The following FSTL5 variants were observed in gnomAD, a reference collection of about 807,000 sequenced individuals.
FSTL5 encodes the protein follistatin like 5, also known as follistatin-related protein 5.
In FSTL5, 62 loss-of-function variants were observed where a neutral mutation model predicts 89.1. The observed-to-expected ratio is 0.70, with a 90% CI of 0.57 to 0.86. FSTL5 has a LOEUF of 0.86. FSTL5 is among the 40% of genes least tolerant of loss of function. The pLI is 0.00. For missense variants in FSTL5, 1,057 were observed against 1,001.6 expected, an observed-to-expected ratio of 1.06 and a Z score of -0.75; for synonymous variants, 383 against 346.2, an observed-to-expected ratio of 1.11 and a Z score of -1.18.
chr4:161,494,384 T>G (rs1018858807), intron 12 of FSTL5, among the ~76,000 whole-genome samples: 1 of 152,178 alleles, frequency 6.6e-6, no homozygotes, highest in African/African-American at 2.4e-5. Flanking sequence ...TTCAAATGAC[T>G]ATTTTTGAGG....
At chr4:161,577,355 T>C (rs995496123) in intron 8 of FSTL5, among the ~76,000 whole-genome samples, 6 of 151,488 alleles carry the variant, frequency 4.0e-5, no homozygotes, top group Non-Finnish European at 7.4e-5. Context: ...AACTTGTAAC[T>C]TAAAACTTGT....
chr4:161,581,419 C>A (rs754302605), intron 8 of FSTL5, among the ~76,000 whole-genome samples: 6 of 151,678 alleles, frequency 4.0e-5, no homozygotes, highest in Non-Finnish European at 5.9e-5. Flanking sequence ...GTAGATCTCA[C>A]TGTCTCACTT....
At chr4:161,786,265 G>C (rs1741900616) in intron 4 of FSTL5, among the ~76,000 whole-genome samples, 1 of 151,820 alleles carries the variant, frequency 6.6e-6, no homozygotes, top group Admixed American at 6.6e-5. Flanking sequence ...CGTTGTAGTG[G>C]GTTAATATAT....
At chr4:161,691,903 G>T (rs922342878) in intron 6 of FSTL5, among the ~76,000 whole-genome samples, 6 of 151,926 alleles carry the variant, frequency 3.9e-5, no homozygotes, top group African/African-American at 1.4e-4. Context: ...ATTATCTCTA[G>T]CAGTGGTGTG....
intron 7 of FSTL5, among the ~76,000 whole-genome samples, chr4:161,649,898 T>A (rs1201598407): frequency 6.6e-6 from 1 of 152,194 alleles, no homozygotes; most frequent in East Asian, 1.9e-4. Context: ...TGGAATATAG[T>A]TTGATGGCTG....
intron 6 of FSTL5, among the ~76,000 whole-genome samples, chr4:161,674,102 A>T: frequency 6.6e-6 from 1 of 152,080 alleles, no homozygotes; most frequent in East Asian, 1.9e-4. Context: ...TTTCACTATT[A>T]ATAGAAGTGT....
chr4:162,031,799 G>C (rs1049509058), intron 3 of FSTL5, among the ~76,000 whole-genome samples: 4 of 152,094 alleles, frequency 2.6e-5, no homozygotes, highest in Non-Finnish European at 5.9e-5. Flanking sequence ...TTAGCTGGTC[G>C]TGGTGGCAGG....
At chr4:161,965,189 T>C (rs978930619) in intron 3 of FSTL5, among the ~76,000 whole-genome samples, 3 of 152,118 alleles carry the variant, frequency 2.0e-5, no homozygotes, top group Non-Finnish European at 4.4e-5. Context: ...TTCCTTTCAA[T>C]ATCCATGACC....
At chr4:162,024,394 A>G (rs766666355) in intron 3 of FSTL5, among the ~76,000 whole-genome samples, 2 of 144,744 alleles carry the variant, frequency 1.4e-5, no homozygotes, top group African/African-American at 5.1e-5. Context: ...TTTACTTTTT[A>G]TTTCCCTGGC....
intron 15 of FSTL5, among the ~76,000 whole-genome samples, chr4:161,389,381 T>C (rs905545497): frequency 4.6e-5 from 7 of 152,156 alleles, no homozygotes; most frequent in Admixed American, 4.6e-4. Context: ...TAGCATGGTA[T>C]GGATTGTCAA....
At chr4:161,486,826 A>G (rs1477040895) in intron 12 of FSTL5, among the ~76,000 whole-genome samples, 1 of 152,208 alleles carries the variant, frequency 6.6e-6, no homozygotes, top group Non-Finnish European at 1.5e-5. Context: ...ACATTTTGGT[A>G]TGAATTTTAA....
At chr4:161,616,038 C>A (rs1255145524) in intron 7 of FSTL5, among the ~76,000 whole-genome samples, 11 of 151,942 alleles carry the variant, frequency 7.2e-5, no homozygotes, top group Admixed American at 2.6e-4. Context: ...TACAAAAGAG[C>A]AACACTTGCT....
intron 8 of FSTL5, among the ~76,000 whole-genome samples, chr4:161,564,919 A>G (rs2126576414): frequency 6.6e-6 from 1 of 152,048 alleles, no homozygotes; most frequent in East Asian, 1.9e-4. Context: ...TAATAGTGAT[A>G]GAACACTGAT....
intron 15 of FSTL5, among the ~76,000 whole-genome samples, chr4:161,446,269 T>C (rs1341591963): frequency 6.6e-6 from 1 of 152,034 alleles, no homozygotes; most frequent in South Asian, 2.1e-4. Context: ...AAAAAAGTGA[T>C]GTGTATATAA....
intron 4 of FSTL5, among the ~76,000 whole-genome samples, chr4:161,837,080 T>C: frequency 6.6e-6 from 1 of 152,132 alleles, no homozygotes; most frequent in Non-Finnish European, 1.5e-5. Flanking sequence ...TTTGTTAAAA[T>C]GCAGTGATAG....
chr4:161,520,066 T>G (rs1182399663), intron 10 of FSTL5, among the ~76,000 whole-genome samples: 1 of 152,102 alleles, frequency 6.6e-6, no homozygotes, highest in Non-Finnish European at 1.5e-5. Flanking sequence ...TGCAAAAAAG[T>G]ATACCTTAAC....
Position 161,964,091 on chromosome 4 carries a change from G to A in FSTL5, c.161-43439C>T, listed in dbSNP as rs145613137. Among the ~76,000 whole-genome samples, 248 of 152,010 alleles carry A rather than the reference G, an allele frequency of 1.6e-3. 1 individual carries two copies. The highest frequency in any genetic ancestry group is 2.4e-3 in the Non-Finnish European group (161 of 67,878). On this transcript the variant is annotated intron_variant, in intron 3 of 15. Coordinates refer to ENST00000306100, the MANE Select transcript of FSTL5 (RefSeq NM_020116.5). ...TGCTAAATACTAGCTATTCATACTT[G>A]TGATGATTTGAGCCTCTACTGAATT...
chr4:162,133,240 T>C (rs1292060776), intron 1 of FSTL5, among the ~76,000 whole-genome samples: 3 of 152,220 alleles, frequency 2.0e-5, no homozygotes, highest in African/African-American at 7.2e-5. Context: ...CTTCTAACAG[T>C]ATTCTGAGTC....
intron 1 of FSTL5, among the ~76,000 whole-genome samples, chr4:162,152,989 C>T (rs761273789): frequency 2.6e-5 from 4 of 151,996 alleles, no homozygotes; most frequent in Non-Finnish European, 4.4e-5. Flanking sequence ...ATGTGCCTTC[C>T]GGTTTTTGCC....
Sources: allele counts gnomAD v4.1 joint callset (sites outside exome capture counted in the v4.1 genomes callset), GRCh38; gene constraint gnomAD v4.1.1; transcripts MANE v1.5; gene names NCBI Gene and HGNC (gene_info 2026-07-23, HGNC 2026-07-21).